USP8: variants seen among roughly 807,000 people sequenced by gnomAD.
The protein encoded by USP8 is ubiquitin specific peptidase 8.
Under a neutral mutation model 130.0 loss-of-function variants are expected in USP8, and 27 were observed. The observed-to-expected ratio is 0.21, with a 90% CI of 0.15 to 0.29. USP8 has a LOEUF of 0.29. Among genes scored for constraint, USP8 ranks in the 10% least tolerant of loss-of-function variants. USP8 has a pLI of 1.00. For missense variants in USP8, 1,029 were observed against 1,312.2 expected (o/e 0.78, Z 3.33); for synonymous variants, 392 against 444.1 (o/e 0.88, Z 1.48).
intron 12 of USP8, chr15:50,489,592 C>G (rs2052084861): frequency 7.6e-6 from 2 of 262,960 alleles, no homozygotes. Context: ...ACATACTCCT[C>G]TACACCTTGG....
At chr15:50,435,782 T>G (rs1332000642) in intron 1 of USP8, among the ~76,000 whole-genome samples, 1 of 152,214 alleles carries the variant, frequency 6.6e-6, no homozygotes, top group East Asian at 1.9e-4. Context: ...ATTTGAACTG[T>G]TTCCAAAAAT....
Position 50,477,517 on chromosome 15 carries a change from A to G in USP8, c.1218+18A>G. Reference sequence around the variant, plus strand: ...TTCCACAGGTATGTTCTTGATTTTAACATTATTCTCGCTTTTGTTTTAATA... The same window carrying G: ...TTCCACAGGTATGTTCTTGATTTTAGCATTATTCTCGCTTTTGTTTTAATA... On this transcript the variant is annotated intron_variant, in intron 10 of 19. Coordinates refer to ENST00000307179, the MANE Select transcript of USP8 (RefSeq NM_005154.5). 1 of 1,593,828 alleles carries G rather than the reference A, an allele frequency of 6.3e-7. No homozygotes were observed.
At chr15:50,459,995 C>T (rs865883780) in intron 5 of USP8, among the ~76,000 whole-genome samples, 5 of 75,820 alleles carry the variant, frequency 6.6e-5, no homozygotes, top group Admixed American at 1.9e-4. Flanking sequence ...CCACCCCCCC[C>T]CTTTTTTTTT....
In USP8 at chr15:50,441,399, T is replaced by G; in HGVS notation, c.155T>G (p.Leu52Ter). ...KIFKTAEECR[L>*]DRDEERAYVL... ...TTTAAGACAGCAGAAGAATGCAGAT[T>G]AGATCGTGATGAGGAAAGGGCCTAT... The change falls in exon 3 of 20, where the codon TTA becomes TGA. Residue 52 changes from leucine (L) to a stop codon, truncating the protein, a stop_gained. Coordinates refer to ENST00000307179, the MANE Select transcript of USP8 (RefSeq NM_005154.5). LOFTEE classifies it high-confidence loss of function. 6.2e-7 allele frequency: 1 copy of G among 1,610,434 alleles called. No homozygotes were observed.
chr15:50,485,564 T>TTTC (rs2051931163), intron 12 of USP8, among the ~76,000 whole-genome samples: 1 of 129,636 alleles, frequency 7.7e-6, no homozygotes, highest in Non-Finnish European at 1.6e-5. Flanking sequence ...TTTTTTTTTT[T>TTTC]TTTTTTTTTT....
At position 50,430,556 on chromosome 15, in the gene USP8, C is replaced by T. The variant is rs560550376; in HGVS notation, c.-66+6042C>T. On this transcript the variant is annotated intron_variant, in intron 1 of 19. Coordinates refer to ENST00000307179, the MANE Select transcript of USP8 (RefSeq NM_005154.5). ...GGGACCACAGGCGCATGCCACCATGCCCTGCTAATTTTTTATTTTTTTATT... is the reference window on the plus strand; with the variant it reads ...GGGACCACAGGCGCATGCCACCATGTCCTGCTAATTTTTTATTTTTTTATT... Among the ~76,000 whole-genome samples the T allele has an allele frequency of 2.7e-3, 413 of 152,134 alleles. 3 individuals carry two copies. The highest frequency in any genetic ancestry group is 0.014 in the Middle Eastern group (4 of 294).
chr15:50,458,921 A>G lies in USP8; in HGVS notation c.336-79A>G, dbSNP rs2050882600. ...ATGAAATACCTCAAGGCAGGATACT[A>G]ATTTTACAGAACTGAAACTCCTTTA... On this transcript the variant is annotated intron_variant, in intron 4 of 19. Coordinates refer to ENST00000307179, the MANE Select transcript of USP8 (RefSeq NM_005154.5). 6 of 1,557,432 alleles carry G rather than the reference A, an allele frequency of 3.9e-6. No homozygotes were observed. In the Admixed American group the frequency reaches 8.8e-5, roughly 23 times the overall value.
chr15:50,478,943 T>TG (rs1264537530), intron 10 of USP8, among the ~76,000 whole-genome samples: 1 of 151,946 alleles, frequency 6.6e-6, no homozygotes, highest in Non-Finnish European at 1.5e-5. Flanking sequence ...CAGTCCCAGC[T>TG]ACTCAGGAGG....
chr15:50,497,312 C>A, intron 18 of USP8, 81 bp downstream of exon 18: 1 of 1,495,490 alleles, frequency 6.7e-7, no homozygotes, highest in Non-Finnish European at 8.9e-7. Flanking sequence ...ACTTGTTGTA[C>A]TGCCTGCCAT....
Position 50,508,411 on chromosome 15 carries a change from T to C in USP8, c.*9323T>C, listed in dbSNP as rs1045276156. ...TTCAGCAAGCTAGTTGATGGATGCA[T>C]GGCGGTTTGTTATGCTGTCCAATTT... On this transcript the variant is annotated 3_prime_UTR_variant, in exon 20 of 20. Coordinates refer to ENST00000307179, the MANE Select transcript of USP8 (RefSeq NM_005154.5). 2.6e-5 allele frequency: 4 copies of C among 152,232 alleles called. No homozygotes were observed. The highest frequency in any genetic ancestry group is 4.4e-5 in the Non-Finnish European group (3 of 68,042). The allele number at this position is 152,232 out of a possible 1,614,324, so 9.4% of individuals were successfully genotyped here. A position where few individuals can be genotyped will look rare whatever the true frequency, so the allele number is the denominator to read the frequency against.
intron 4 of USP8, among the ~76,000 whole-genome samples, chr15:50,453,964 C>T (rs540554507): frequency 2.8e-5 from 4 of 143,394 alleles, no homozygotes; most frequent in Non-Finnish European, 4.5e-5. Context: ...CAGGTTCAAG[C>T]GATCCTCCCA....
chr15:50,460,802 TTC>T (rs1168967483), intron 5 of USP8, among the ~76,000 whole-genome samples: 4 of 152,210 alleles, frequency 2.6e-5, no homozygotes, highest in African/African-American at 9.7e-5. Flanking sequence ...TTTGATTTTT[TTC>T]TTAGACATTT....
At position 50,514,318 on chromosome 15, in the gene USP8, G is replaced by T. The variant is rs981953969; in HGVS notation, c.*15230G>T. 2 of 152,190 alleles carry T rather than the reference G, an allele frequency of 1.3e-5. No individual in the cohort carries two copies. Among genetic ancestry groups the T allele is most frequent in the Non-Finnish European group, 2.9e-5 (2 of 68,038 alleles). The allele number at this position is 152,190 out of a possible 1,614,324, so 9.4% of individuals were successfully genotyped here. ...ATTCTGTTTAAACTCTGTTCTGCTG[G>T]TTACATGGGTATGTTCACTTGAAAA... On this transcript the variant is annotated 3_prime_UTR_variant, in exon 20 of 20. Coordinates refer to ENST00000307179, the MANE Select transcript of USP8 (RefSeq NM_005154.5).
At chr15:50,483,902 A>G (rs576449818) in intron 11 of USP8, among the ~76,000 whole-genome samples, 2 of 152,188 alleles carry the variant, frequency 1.3e-5, no homozygotes, top group Admixed American at 1.3e-4. Context: ...GAATACTTCA[A>G]ATTTTTTGAA....
intron 11 of USP8, 108 bp from the exon 12 acceptor site, chr15:50,484,167 T>G: frequency 2.4e-6 from 2 of 819,574 alleles, no homozygotes; most frequent in Non-Finnish European, 3.6e-6. Flanking sequence ...CTTTTTTTTC[T>G]CCTTTTACAT....
intron 1 of USP8, among the ~76,000 whole-genome samples, chr15:50,431,822 A>G (rs1369560534): frequency 1.3e-5 from 2 of 151,958 alleles, no homozygotes; most frequent in African/African-American, 4.8e-5. Flanking sequence ...ATGCCCAGCT[A>G]ATTTGGTATT....
At chr15:50,443,626 G>A (rs1239829841) in intron 3 of USP8, among the ~76,000 whole-genome samples, 1 of 151,960 alleles carries the variant, frequency 6.6e-6, no homozygotes, top group African/African-American at 2.4e-5. Flanking sequence ...TGGGACTACA[G>A]GTGTGCACCA....
chr15:50,425,031 A>G (rs1648434327), intron 1 of USP8, among the ~76,000 whole-genome samples: 2 of 151,900 alleles, frequency 1.3e-5, no homozygotes, highest in South Asian at 2.1e-4. Flanking sequence ...CTTCCATCCT[A>G]GAGTTGTGGG....
At chr15:50,472,103 G>C (rs1003048532) in intron 8 of USP8, among the ~76,000 whole-genome samples, 7 of 151,798 alleles carry the variant, frequency 4.6e-5, no homozygotes, top group African/African-American at 1.7e-4. Context: ...GTTTCACCAT[G>C]TTGGCCAGGC....
Sources: gnomAD v4.1 joint callset for allele counts (sites outside exome capture counted in the v4.1 genomes callset) on GRCh38, gnomAD v4.1.1 for gene constraint, MANE v1.5 for transcripts, NCBI Gene and HGNC (gene_info 2026-07-23, HGNC 2026-07-21) for gene names.